CYBB: variants seen among roughly 807,000 people sequenced by gnomAD.
The protein encoded by CYBB is NADPH oxidase 2.
A neutral mutation model predicts 46.5 loss-of-function variants in CYBB; 5 were observed. The observed-to-expected ratio is 0.11, with a 90% CI of 0.06 to 0.23. CYBB has a LOEUF of 0.23. Ranked by LOEUF, CYBB falls within the 10% of genes least tolerant of loss-of-function variation. CYBB has a pLI of 1.00. For missense variants in CYBB, 307 were observed against 428.3 expected, an observed-to-expected ratio of 0.72 and a Z score of 2.50; for synonymous variants, 183 against 156.7, an observed-to-expected ratio of 1.17 and a Z score of -1.26.
intron 5 of CYBB, among the ~76,000 whole-genome samples, chrX:37,795,340 A>G (rs1929277934): frequency 9.0e-6 from 1 of 111,432 alleles, no homozygotes; most frequent in Non-Finnish European, 1.9e-5. Context: ...CTAAGTTGTA[A>G]CTTACCCTCC....
intron 3 of CYBB, among the ~76,000 whole-genome samples, chrX:37,788,402 T>C (rs1009234673): frequency 2.7e-4 from 30 of 112,059 alleles, no homozygotes; most frequent in Non-Finnish European, 4.1e-4. Flanking sequence ...TTCCAGGGCA[T>C]GAAAATGTAC....
chrX:37,794,918 C>G (rs914191097), intron 5 of CYBB, among the ~76,000 whole-genome samples: 1 of 111,730 alleles, frequency 9.0e-6, no homozygotes, highest in Non-Finnish European at 1.9e-5. Context: ...GCCTGATATA[C>G]TTAGGGAGGG....
At chrX:37,801,586 TTGTGTGTGTG>T (rs58302662) in intron 8 of CYBB, among the ~76,000 whole-genome samples, 6 of 84,587 alleles carry the variant, frequency 7.1e-5, no homozygotes, top group South Asian at 6.1e-4. Flanking sequence ...CCCCCACCCA[TTGTGTGTGTG>T]TGTGTGTGTG....
chrX:37,781,612 G>T (rs1373319625), intron 1 of CYBB, among the ~76,000 whole-genome samples: 1 of 111,985 alleles, frequency 8.9e-6, no homozygotes, highest in African/African-American at 3.3e-5. Flanking sequence ...AAAATGGAAG[G>T]CTTGGCATTT....
chrX:37,810,743 C>T, intron 12 of CYBB, 48 bp from the exon 13 acceptor site: 2 of 1,181,886 alleles, frequency 1.7e-6, no homozygotes, highest in South Asian at 1.8e-5. Context: ...GCTTTGTAGA[C>T]ATCTCATCCC....
At chrX:37,807,021 C>G (rs1029738682) in intron 11 of CYBB, among the ~76,000 whole-genome samples, 1 of 110,903 alleles carries the variant, frequency 9.0e-6, no homozygotes, top group Admixed American at 9.7e-5. Context: ...TACTTCAGTA[C>G]AAGCCATACT....
intron 6 of CYBB, among the ~76,000 whole-genome samples, chrX:37,796,408 A>G (rs1929308334): frequency 8.9e-6 from 1 of 112,096 alleles, no homozygotes; most frequent in South Asian, 3.7e-4. Flanking sequence ...GCAAATGTAT[A>G]AAACATATTG....
rs909484807 is a variant in CYBB, at chrX:37,798,615, A to G, written c.675-340A>G. On this transcript the variant is annotated intron_variant, in intron 6 of 12. Transcript: ENST00000378588. Reference sequence around the variant, plus strand: ...AAAGGCACTGTAGGGGCCAGCAGTCACTCTGTTAGATTTGCAATTTTTCTG... The same window carrying G: ...AAAGGCACTGTAGGGGCCAGCAGTCGCTCTGTTAGATTTGCAATTTTTCTG... 6.3e-5 allele frequency among the ~76,000 whole-genome samples: 7 copies of G among 111,751 alleles called. No homozygotes were observed. The Admixed American group carries it at 6.6e-4, about 11-fold the overall frequency.
intron 3 of CYBB, among the ~76,000 whole-genome samples, chrX:37,787,382 G>T (rs898059008): frequency 3.6e-5 from 4 of 112,001 alleles, no homozygotes; most frequent in African/African-American, 1.3e-4. Context: ...TTTCTGTAAA[G>T]TGTTACACCC....
In CYBB at chrX:37,798,951, C is replaced by T. The variant is rs782223666; in HGVS notation, c.675-4C>T. On this transcript the variant is annotated splice_polypyrimidine_tract_variant and splice_region_variant and intron_variant, in intron 6 of 12. Transcript: ENST00000378588. ...AATGATCTGGACTTACATTTTTCAC[C>T]CAGACGAATTGTACGTGGGCAGACC... 2.2e-4 allele frequency: 269 copies of T among 1,202,203 alleles called. No homozygotes were observed. The highest frequency in any genetic ancestry group is 2.9e-4 in the Non-Finnish European group (262 of 890,135).
At position 37,803,863 on chromosome X, in the gene CYBB, G is replaced by A. The variant is rs1929497541; in HGVS notation, c.898-14G>A. ...GGAAAAATGTCATTTCCAGACATAT[G>A]TTTTATTCTATAGGTGGTCACTCAC... On this transcript the variant is annotated splice_polypyrimidine_tract_variant and intron_variant, in intron 8 of 12. Coordinates refer to ENST00000378588, the MANE Select transcript of CYBB (RefSeq NM_000397.4). 1 of 1,207,565 alleles carries A rather than the reference G, an allele frequency of 8.3e-7. No homozygotes were observed. The highest frequency in any genetic ancestry group is 2.2e-5 in the Admixed American group (1 of 45,626).
At chrX:37,803,043 A>G (rs781942349) in intron 8 of CYBB, among the ~76,000 whole-genome samples, 2 of 112,018 alleles carry the variant, frequency 1.8e-5, no homozygotes, top group Non-Finnish European at 3.8e-5. Flanking sequence ...GTGTGTACGT[A>G]GACAGATGAG....
rs1569480023 is a variant in CYBB, at chrX:37,805,038, G to C, written c.1184G>C (p.Ser395Thr). The C allele has an allele frequency of 8.3e-7, 1 of 1,211,758 alleles. No homozygotes were observed. The highest frequency in any genetic ancestry group is 1.1e-6 in the Non-Finnish European group (1 of 895,318). Residue 395 changes from serine to threonine, a missense_variant, in exon 10 of 13, where the codon AGT becomes ACT. By Grantham distance (58) the Ser-to-Thr change is moderately conservative (BLOSUM62 1). Transcript: ENST00000378588. ...IAVDGPFGTA[S>T]EDVFSYEVVM... ...GTTGATGGGCCCTTTGGCACTGCCA[G>C]TGAAGATGTGTTCAGCTATGAGGTG...
rs1929433238 is a variant in CYBB, at chrX:37,801,297, T to C, written c.846T>C (p.Cys282=). 1 of 1,207,493 alleles carries C rather than the reference T, an allele frequency of 8.3e-7. No individual in the cohort carries two copies. Among genetic ancestry groups the C allele is most frequent in the African/African-American group, 1.8e-5 (1 of 57,025 alleles). ...TGGGTCCCATGTTTCTGTATCTCTG[T>C]GAGAGGTTGGTGCGGTTTTGGCGAT... The part of the protein sequence containing the change: ...WIVGPMFLYL[C]ERLVRFWRSQ... Residue 282 remains cysteine (C), a synonymous_variant, in exon 8 of 13, where the codon TGT becomes TGC. Transcript: ENST00000378588.
At position 37,784,940 on chromosome X, in the gene CYBB, A is replaced by G. The variant is rs782337639; in HGVS notation, c.252+1340A>G. ...ACAGAATATTTGAAGGAGGCAGTGA[A>G]CTAAACTGTAATAACAAGCATAACT... On this transcript the variant is annotated intron_variant, in intron 3 of 12. Coordinates refer to ENST00000378588, the MANE Select transcript of CYBB (RefSeq NM_000397.4). Among the ~76,000 whole-genome samples the G allele has an allele frequency of 2.7e-5, 3 of 111,879 alleles. No homozygotes were observed. The South Asian group carries it at 1.1e-3, about 41-fold the overall frequency.
At chrX:37,806,264 T>C in intron 10 of CYBB, 123 bp from the exon 11 acceptor site, 2 of 742,783 alleles carry the variant, frequency 2.7e-6, no homozygotes, top group Non-Finnish European at 4.2e-6. Flanking sequence ...CTTCTGAAAA[T>C]CTATGTTTCT....
At position 37,789,629 on chromosome X, in the gene CYBB, T is replaced by C. The variant is rs917607332; in HGVS notation, c.253-2346T>C. ...ATTTTAAGGAATACAAAGTAGAAAA[T>C]AATTTTCAGCACTTGTAATGAACAC... On this transcript the variant is annotated intron_variant, in intron 3 of 12. Coordinates refer to ENST00000378588, the MANE Select transcript of CYBB (RefSeq NM_000397.4). Among the ~76,000 whole-genome samples the C allele has an allele frequency of 1.2e-3, 122 of 99,790 alleles. 1 individual carries two copies. Among genetic ancestry groups the C allele is most frequent in the African/African-American group, 4.5e-3 (112 of 25,139 alleles). 86.7% of individuals were successfully genotyped at this position (99,790 alleles called of 115,157 possible). A position where few individuals can be genotyped will look rare whatever the true frequency, so the allele number is the denominator to read the frequency against.
chrX:37,805,234 A>T, intron 10 of CYBB, 66 bp downstream of exon 10: 1 of 1,103,440 alleles, frequency 9.1e-7, no homozygotes, highest in Non-Finnish European at 1.2e-6. Flanking sequence ...GAGGCCTGAG[A>T]GTGCTTTCAG....
intron 10 of CYBB, 38 bp from the exon 11 acceptor site, chrX:37,806,349 C>T (rs1231299861): frequency 1.7e-6 from 2 of 1,201,946 alleles, no homozygotes; most frequent in Admixed American, 4.4e-5. Flanking sequence ...ATAGGGCCTG[C>T]CAAATATAAT....
Sources: gnomAD v4.1 joint callset for allele counts (sites outside exome capture counted in the v4.1 genomes callset) on GRCh38, gnomAD v4.1.1 for gene constraint, MANE v1.5 for transcripts, NCBI Gene and HGNC (gene_info 2026-07-23, HGNC 2026-07-21) for gene names.